Variants in PTPN14 observed in about 807,000 individuals in gnomAD.
PTPN14 encodes the protein tyrosine-protein phosphatase non-receptor type 14.
In PTPN14, 53 loss-of-function variants were observed where a neutral mutation model predicts 126.8. The ratio of observed to expected loss-of-function variants is 0.42; its 90% confidence interval spans 0.34 to 0.53. The LOEUF (loss-of-function observed/expected upper bound fraction) is 0.53, where lower values mean the gene tolerates loss of function less well. Among genes scored for constraint, PTPN14 ranks in the 20% least tolerant of loss-of-function variants. The probability of loss-of-function intolerance (pLI) is 0.08; values close to 1 mark genes in which losing one functional copy is unlikely to be tolerated. For synonymous variants in PTPN14, 630 were observed against 599.3 expected (o/e 1.05, Z -0.75); for missense variants, 1,257 against 1,552.9 (o/e 0.81, Z 3.20).
At chr1:214,523,139 G>C (rs955207430) in intron 1 of PTPN14, among the ~76,000 whole-genome samples, 6 of 152,092 alleles carry the variant, frequency 3.9e-5, no homozygotes, top group Non-Finnish European at 1.5e-5. Context: ...GGATCTACAA[G>C]GACAGGTCAG....
chr1:214,386,752 C>T (rs1658624356), intron 12 of PTPN14, 92 bp downstream of exon 12: 9 of 1,261,648 alleles, frequency 7.1e-6, no homozygotes, highest in South Asian at 1.4e-5. Context: ...GAAAAGAAAG[C>T]ATCCCTGTCA....
Position 214,354,810 on chromosome 1 carries a change from G to A in PTPN14, c.*3112C>T, listed in dbSNP as rs1657778892. 6.6e-6 allele frequency: 1 copy of A among 152,076 alleles called. No homozygotes were observed. The highest frequency in any genetic ancestry group is 2.1e-4 in the South Asian group (1 of 4,824). The allele number at this position is 152,076 out of a possible 1,614,324, so 9.4% of individuals were successfully genotyped here. ...CATTTTCTCCCTTCAAATCCAAACT[G>A]CAGCAATAGACACTGACAGCTCCAG... On this transcript the variant is annotated 3_prime_UTR_variant, in exon 19 of 19. Transcript: ENST00000366956.
chr1:214,380,871 T>C (rs1658456491), intron 13 of PTPN14, among the ~76,000 whole-genome samples: 1 of 152,136 alleles, frequency 6.6e-6, no homozygotes, highest in Admixed American at 6.5e-5. Context: ...ACTGGCATTG[T>C]CACCACCTTG....
At chr1:214,445,071 A>G (rs1660112422) in intron 3 of PTPN14, among the ~76,000 whole-genome samples, 1 of 152,206 alleles carries the variant, frequency 6.6e-6, no homozygotes, top group South Asian at 2.1e-4. Context: ...AAGCCCATAC[A>G]GAGATTAAGT....
chr1:214,484,351 C>A (rs1249454453), intron 1 of PTPN14, among the ~76,000 whole-genome samples: 1 of 152,184 alleles, frequency 6.6e-6, no homozygotes, highest in Admixed American at 6.5e-5. Flanking sequence ...CTGCAATGAG[C>A]CATGATCCTA....
In PTPN14 at chr1:214,383,889, T is replaced by A. The variant is rs369869120; in HGVS notation, c.1966A>T (p.Met656Leu). The change falls in exon 13 of 19, where the codon ATG (methionine) becomes TTG (leucine). Residue 656 changes from methionine (M) to leucine (L), a missense_variant. Transcript: ENST00000366956. The surrounding 1 kb of genome is among the most constrained non-coding windows in gnomAD (Gnocchi z 4.4). ...GGGAGGTGGAGCGACTTGAGCGTCA[T>A]GGCCTCCATGCCCCGCACCATGCTG... ...MNSMVRGMEA[M>L]TLKSLHLPMA... is the part of the protein sequence containing the mutation. The A allele has an allele frequency of 6.2e-7, 1 of 1,613,342 alleles. No homozygotes were observed. Among genetic ancestry groups the A allele is most frequent in the Non-Finnish European group, 8.5e-7 (1 of 1,180,002 alleles).
At chr1:214,418,100 C>T (rs905985548) in intron 3 of PTPN14, among the ~76,000 whole-genome samples, 3 of 152,162 alleles carry the variant, frequency 2.0e-5, no homozygotes, top group Non-Finnish European at 2.9e-5. Flanking sequence ...GGAATGGAAG[C>T]AGGAAGTGAT....
chr1:214,410,827 C>T (rs1045415273), intron 5 of PTPN14, among the ~76,000 whole-genome samples: 1 of 151,750 alleles, frequency 6.6e-6, no homozygotes, highest in Non-Finnish European at 1.5e-5. Flanking sequence ...TATTTTTTTG[C>T]TAGTCCCATA....
At chr1:214,458,054 G>C (rs1174724569) in intron 2 of PTPN14, among the ~76,000 whole-genome samples, 3 of 146,694 alleles carry the variant, frequency 2.0e-5, no homozygotes, top group Non-Finnish European at 4.4e-5. Flanking sequence ...GAGAGAGAGA[G>C]ATAGAGAGAG....
At chr1:214,423,092 T>A (rs1358761880) in intron 3 of PTPN14, among the ~76,000 whole-genome samples, 1 of 149,814 alleles carries the variant, frequency 6.7e-6, no homozygotes, top group South Asian at 2.1e-4. Context: ...CAGACCAGCC[T>A]GGGCAACATG....
intron 1 of PTPN14, among the ~76,000 whole-genome samples, chr1:214,509,560 T>A (rs1654921132): frequency 6.6e-6 from 1 of 152,248 alleles, no homozygotes; most frequent in Admixed American, 6.5e-5. Flanking sequence ...CTGTTGCACA[T>A]GTTATCATTC....
At chr1:214,398,247 T>C (rs1390248410) in intron 7 of PTPN14, among the ~76,000 whole-genome samples, 1 of 152,052 alleles carries the variant, frequency 6.6e-6, no homozygotes, top group Non-Finnish European at 1.5e-5. Flanking sequence ...AGAAAGCAAA[T>C]AACACGTGTT....
intron 1 of PTPN14, among the ~76,000 whole-genome samples, chr1:214,517,052 C>T (rs1655120882): frequency 6.6e-6 from 1 of 152,146 alleles, no homozygotes. Context: ...ACCTTCCAGG[C>T]CCAGCTATCT....
chr1:214,362,524 T>C (rs765715382), intron 18 of PTPN14, among the ~76,000 whole-genome samples: 1 of 152,240 alleles, frequency 6.6e-6, no homozygotes, highest in Non-Finnish European at 1.5e-5. Context: ...CCGGATTTGA[T>C]ATGCTTGTCT....
At chr1:214,397,351 T>C (rs1658904607) in intron 8 of PTPN14, among the ~76,000 whole-genome samples, 1 of 152,072 alleles carries the variant, frequency 6.6e-6, no homozygotes, top group Non-Finnish European at 1.5e-5. Context: ...TATGATAAAA[T>C]CTATGGGCAC....
At position 214,464,847 on chromosome 1, in the gene PTPN14, C is replaced by A. The variant is rs765729489; in HGVS notation, c.-44G>T. On this transcript the variant is annotated 5_prime_UTR_variant, in exon 2 of 19. Transcript: ENST00000366956. ...CGCCGCCCGCCTATCCTGGCGCACA[C>A]GCCCCTGAGATGGCCTTAGCAGTTT... 8.1e-6 allele frequency: 13 copies of A among 1,605,778 alleles called. No homozygotes were observed. The highest frequency in any genetic ancestry group is 1.3e-5 in the African/African-American group (1 of 74,842).
chr1:214,449,012 T>C (rs918316921), intron 3 of PTPN14, among the ~76,000 whole-genome samples: 2 of 64,882 alleles, frequency 3.1e-5, no homozygotes, highest in African/African-American at 1.6e-4. Flanking sequence ...TTAATTTTTC[T>C]TTTTTTTTTT....
chr1:214,356,426 G>A lies in PTPN14; in HGVS notation c.*1496C>T, dbSNP rs1169619000. 1.3e-5 allele frequency: 2 copies of A among 151,992 alleles called. No homozygotes were observed. Among genetic ancestry groups the A allele is most frequent in the Non-Finnish European group, 2.9e-5 (2 of 68,032 alleles). The allele number at this position is 151,992 out of a possible 1,614,324, so 9.4% of individuals were successfully genotyped here. On this transcript the variant is annotated 3_prime_UTR_variant, in exon 19 of 19. Transcript: ENST00000366956. ...ACTTCCCATCACCACGTAACAACAGGTGCATATCAAAGCTGTACTCAAGAA... is the reference window on the plus strand; with the variant it reads ...ACTTCCCATCACCACGTAACAACAGATGCATATCAAAGCTGTACTCAAGAA...
chr1:214,474,165 T>G (rs762978093), intron 1 of PTPN14, among the ~76,000 whole-genome samples: 1 of 152,214 alleles, frequency 6.6e-6, no homozygotes, highest in African/African-American at 2.4e-5. Context: ...ATTCCTACTG[T>G]GTTATAATTC....
Sources: allele counts gnomAD v4.1 joint callset (sites outside exome capture counted in the v4.1 genomes callset), GRCh38; gene constraint gnomAD v4.1.1; non-coding constraint Gnocchi (gnomAD v3.1); transcripts MANE v1.5; gene names NCBI Gene and HGNC (gene_info 2026-07-23, HGNC 2026-07-21).